TMLHE: variants seen among roughly 807,000 people sequenced by gnomAD.
TMLHE encodes trimethyllysine hydroxylase, epsilon.
Under a neutral mutation model 25.7 loss-of-function variants are expected in TMLHE, and 18 were observed. The ratio of observed to expected loss-of-function variants is 0.70; its 90% CI spans 0.48 to 1.04. The LOEUF (loss-of-function observed/expected upper bound fraction) is 1.04. Ranked by LOEUF, TMLHE falls within the 50% of genes least tolerant of loss-of-function variation. TMLHE has a pLI of 0.00. For synonymous variants in TMLHE, 105 were observed against 97.0 expected (o/e 1.08, Z -0.49); for missense variants, 236 against 259.0 (o/e 0.91, Z 0.61).
intron 1 of TMLHE, among the ~76,000 whole-genome samples, chrX:155,578,400 G>A (rs1325044394): frequency 2.7e-5 from 3 of 111,539 alleles, no homozygotes; most frequent in African/African-American, 9.8e-5. Flanking sequence ...GAGGCCTGGG[G>A]ATCTCTCAGC....
chrX:155,599,232 C>G (rs1429829186), intron 1 of TMLHE, among the ~76,000 whole-genome samples: 1 of 111,414 alleles, frequency 9.0e-6, no homozygotes, highest in African/African-American at 3.3e-5. Flanking sequence ...CAAGTGTCAA[C>G]TGTACTTCCA....
intron 2 of TMLHE, among the ~76,000 whole-genome samples, chrX:155,533,438 G>A (rs1483715468): frequency 9.0e-6 from 1 of 111,721 alleles, no homozygotes; most frequent in Non-Finnish European, 1.9e-5. Context: ...TTTCTCTGGA[G>A]AACACTGACT....
chrX:155,560,375 T>C (rs992013459), intron 1 of TMLHE, among the ~76,000 whole-genome samples: 23 of 110,327 alleles, frequency 2.1e-4, no homozygotes, highest in Admixed American at 4.9e-4. Flanking sequence ...ACTAGGGATA[T>C]ACCAGTGAAC....
intron 2 of TMLHE, among the ~76,000 whole-genome samples, chrX:155,532,775 T>C (rs782633851): frequency 4.0e-4 from 44 of 108,892 alleles, no homozygotes; most frequent in Middle Eastern, 4.7e-3. Flanking sequence ...GTGACAAAAG[T>C]GTTTGAGTAC....
chrX:155,598,353 C>A (rs993610275), intron 1 of TMLHE, among the ~76,000 whole-genome samples: 2 of 109,739 alleles, frequency 1.8e-5, no homozygotes, highest in African/African-American at 6.6e-5. Flanking sequence ...ACATATACAC[C>A]ATGGAATACT....
At chrX:155,579,887 C>T (rs2067614473) in intron 1 of TMLHE, among the ~76,000 whole-genome samples, 1 of 109,849 alleles carries the variant, frequency 9.1e-6, no homozygotes, top group Non-Finnish European at 1.9e-5. Context: ...GCAGAAAACC[C>T]AGGGAAACTG....
At chrX:155,547,823 C>T (rs782298514) in intron 1 of TMLHE, among the ~76,000 whole-genome samples, 1 of 110,978 alleles carries the variant, frequency 9.0e-6, no homozygotes, top group Non-Finnish European at 1.9e-5. Context: ...ATTTACCACC[C>T]CATTCTTTCA....
chrX:155,576,078 TA>T (rs2067587418), intron 1 of TMLHE, among the ~76,000 whole-genome samples: 1 of 111,535 alleles, frequency 9.0e-6, no homozygotes, highest in South Asian at 3.8e-4. Context: ...GCAGATTATA[TA>T]ATTCTATACC....
At chrX:155,554,874 CT>C (rs782345207) in intron 1 of TMLHE, among the ~76,000 whole-genome samples, 7 of 104,877 alleles carry the variant, frequency 6.7e-5, no homozygotes, top group South Asian at 4.3e-4. Context: ...CTGGTCTCTT[CT>C]TTTTTTTTTC....
intron 1 of TMLHE, among the ~76,000 whole-genome samples, chrX:155,604,177 A>G (rs1213131407): frequency 9.1e-6 from 1 of 110,239 alleles, no homozygotes; most frequent in Non-Finnish European, 1.9e-5. Flanking sequence ...ACCCATTGTC[A>G]GTGGCTCTGT....
At chrX:155,584,818 T>C (rs1015528284) in intron 1 of TMLHE, among the ~76,000 whole-genome samples, 31 of 111,618 alleles carry the variant, frequency 2.8e-4, no homozygotes, top group African/African-American at 7.5e-4. Context: ...ATAAATGAAG[T>C]CTTTTTCAGA....
intron 1 of TMLHE, among the ~76,000 whole-genome samples, chrX:155,551,159 T>A (rs1443570913): frequency 2.7e-5 from 3 of 110,749 alleles, no homozygotes; most frequent in Admixed American, 9.5e-5. Context: ...CTATATCAGC[T>A]TGTCTACATA....
At chrX:155,555,034 T>C (rs1557340548) in intron 1 of TMLHE, among the ~76,000 whole-genome samples, 1 of 109,743 alleles carries the variant, frequency 9.1e-6, no homozygotes, top group African/African-American at 3.3e-5. Flanking sequence ...CTTCCCCAGC[T>C]CCCCACCCCC....
intron 1 of TMLHE, among the ~76,000 whole-genome samples, chrX:155,605,844 G>T (rs1244275801): frequency 1.8e-5 from 2 of 111,590 alleles, no homozygotes; most frequent in Non-Finnish European, 3.8e-5. Flanking sequence ...CTGTCTTCAA[G>T]AGTCCCATCT....
intron 3 of TMLHE, among the ~76,000 whole-genome samples, chrX:155,514,867 T>G (rs2067141478): frequency 9.0e-6 from 1 of 111,585 alleles, no homozygotes; most frequent in Non-Finnish European, 1.9e-5. Flanking sequence ...AAAATTACTT[T>G]GTAAGTGGCT....
At chrX:155,507,833 A>G (rs1393410064) in intron 5 of TMLHE, among the ~76,000 whole-genome samples, 1 of 111,483 alleles carries the variant, frequency 9.0e-6, no homozygotes, top group East Asian at 2.8e-4. Context: ...ACTGGTGAGA[A>G]GCAACGTGAC....
intron 5 of TMLHE, among the ~76,000 whole-genome samples, chrX:155,510,927 T>G (rs952267469): frequency 9.2e-6 from 1 of 108,689 alleles, no homozygotes; most frequent in Non-Finnish European, 1.9e-5. Context: ...TCCTGACTTT[T>G]TAATGATTGC....
At chrX:155,542,949 T>C (rs2067321642) in intron 2 of TMLHE, among the ~76,000 whole-genome samples, 1 of 111,340 alleles carries the variant, frequency 9.0e-6, no homozygotes, top group Non-Finnish European at 1.9e-5. Context: ...TGTGTGTGTG[T>C]GTGTGTTTAT....
At chrX:155,515,042 A>T (rs939555062) in intron 3 of TMLHE, among the ~76,000 whole-genome samples, 6 of 110,928 alleles carry the variant, frequency 5.4e-5, no homozygotes, top group Non-Finnish European at 9.4e-5. Context: ...CCCCTTGGTA[A>T]AAAAGTATCA....
Sources: allele counts gnomAD v4.1 joint callset (sites outside exome capture counted in the v4.1 genomes callset), GRCh38; gene constraint gnomAD v4.1.1; transcripts MANE v1.5; gene names NCBI Gene and HGNC (gene_info 2026-07-23, HGNC 2026-07-21).